Variants in AMPH observed in about 807,000 individuals in gnomAD.
AMPH encodes the protein amphiphysin (Stiff-Mann syndrome with breast cancer 128kD autoantigen).
AMPH carries 49 observed loss-of-function variants against 99.1 expected under a neutral mutation model. That is an observed-to-expected ratio of 0.49 (90% CI 0.39 to 0.63). The LOEUF is 0.63. Ranked by LOEUF, AMPH falls within the 20% of genes least tolerant of loss-of-function variation. The probability of loss-of-function intolerance (pLI) is 0.00; values close to 1 mark genes in which losing one functional copy is unlikely to be tolerated. For missense variants in AMPH, 759 were observed against 863.4 expected (o/e 0.88, Z 1.52); for synonymous variants, 314 against 317.3 (o/e 0.99, Z 0.11).
chr7:38,583,124 C>A (rs1562843810), intron 1 of AMPH, among the ~76,000 whole-genome samples: 1 of 152,148 alleles, frequency 6.6e-6, no homozygotes, highest in South Asian at 2.1e-4. Context: ...GGATAATATG[C>A]ATCAGAGCTC....
intron 1 of AMPH, among the ~76,000 whole-genome samples, chr7:38,553,879 T>A (rs1019303517): frequency 1.1e-4 from 17 of 152,150 alleles, no homozygotes; most frequent in Admixed American, 9.2e-4. Context: ...AAAAGACAGA[T>A]CATTTCCTGG....
In AMPH at chr7:38,426,205, G is replaced by A. The variant is rs1290857582; in HGVS notation, c.1215+749C>T. Among the ~76,000 whole-genome samples, 3 of 152,184 alleles carry A rather than the reference G, an allele frequency of 2.0e-5. No individual in the cohort carries two copies. The East Asian group carries it at 5.8e-4, about 29-fold the overall frequency. The stretch of plus-strand genomic sequence containing the variant: ...ATGTCTGACATTCTGAGACAAAGCA[G>A]GCATCACAGACAAGCCTGTCTGAGG... On this transcript the variant is annotated intron_variant, in intron 15 of 20. Coordinates refer to ENST00000356264, the MANE Select transcript of AMPH (RefSeq NM_001635.4).
chr7:38,391,662 A>G, intron 19 of AMPH, 86 bp downstream of exon 19: 2 of 1,416,674 alleles, frequency 1.4e-6, no homozygotes, highest in Admixed American at 2.3e-5. Flanking sequence ...TGCAAAAAGT[A>G]AAAGTAAAAA....
intron 15 of AMPH, among the ~76,000 whole-genome samples, chr7:38,424,758 C>A (rs1785723138): frequency 6.6e-6 from 1 of 151,868 alleles, no homozygotes; most frequent in African/African-American, 2.4e-5. Context: ...CAGACCATAG[C>A]CCATCATTGA....
chr7:38,515,275 T>C (rs1584191761), intron 2 of AMPH, among the ~76,000 whole-genome samples: 1 of 152,210 alleles, frequency 6.6e-6, no homozygotes, highest in Non-Finnish European at 1.5e-5. Flanking sequence ...CCAAATCTCA[T>C]GTTAAACAAT....
chr7:38,623,310 T>C (rs1315831925), intron 1 of AMPH, among the ~76,000 whole-genome samples: 1 of 152,184 alleles, frequency 6.6e-6, no homozygotes. Flanking sequence ...TAAAGGAGAA[T>C]GGTAACTTTT....
chr7:38,515,729 A>T (rs143864408), intron 2 of AMPH, among the ~76,000 whole-genome samples: 25 of 152,350 alleles, frequency 1.6e-4, no homozygotes, highest in African/African-American at 5.8e-4. Flanking sequence ...GGCTCAGAAG[A>T]AGACAGAAAG....
intron 1 of AMPH, among the ~76,000 whole-genome samples, chr7:38,606,547 C>A (rs997958312): frequency 6.7e-6 from 1 of 149,712 alleles, no homozygotes; most frequent in Non-Finnish European, 1.5e-5. Flanking sequence ...TACTGTGGCA[C>A]GTCTCAGAAC....
At chr7:38,436,193 G>T in intron 12 of AMPH, 79 bp downstream of exon 12, 1 of 1,024,182 alleles carries the variant, frequency 9.8e-7, no homozygotes. Context: ...GTCATGAAAG[G>T]TATAGGGATC....
Position 38,384,920 on chromosome 7 carries a change from T to G in AMPH, c.1986A>C (p.Ala662=), listed in dbSNP as rs1378325311. 6.2e-7 allele frequency: 1 copy of G among 1,613,372 alleles called. No homozygotes were observed. The highest frequency in any genetic ancestry group is 1.1e-5 in the South Asian group (1 of 91,030). ...ATTCCTTCACTCCCACCAGCCAGCC[T>G]GCATCCTGAAAAACAATGACAGAAC... ...VPSDSEADQD[A]GWLVGVKESD... Residue 662 remains alanine (A), a synonymous_variant, in exon 21 of 21, where the codon GCA becomes GCC. Coordinates refer to ENST00000356264, the MANE Select transcript of AMPH (RefSeq NM_001635.4).
intron 2 of AMPH, among the ~76,000 whole-genome samples, chr7:38,525,007 G>A (rs1790109417): frequency 6.6e-6 from 1 of 151,956 alleles, no homozygotes; most frequent in Non-Finnish European, 1.5e-5. Context: ...CTGCCTTCAA[G>A]TGTGTTTGTT....
chr7:38,624,834 C>T (rs1010893368), intron 1 of AMPH, among the ~76,000 whole-genome samples: 11 of 151,630 alleles, frequency 7.3e-5, no homozygotes, highest in Non-Finnish European at 1.5e-4. Context: ...TATGAACATA[C>T]AAGGACAAGA....
At chr7:38,501,217 G>T (rs1476875295) in intron 3 of AMPH, among the ~76,000 whole-genome samples, 2 of 151,918 alleles carry the variant, frequency 1.3e-5, no homozygotes, top group African/African-American at 4.8e-5. Flanking sequence ...TTTGAACAGG[G>T]TCTCACTCTT....
chr7:38,577,562 A>C (rs1792292397), intron 1 of AMPH, among the ~76,000 whole-genome samples: 2 of 152,136 alleles, frequency 1.3e-5, no homozygotes, highest in Admixed American at 1.3e-4. Context: ...TTCTCCTGAA[A>C]ACCAGCACTT....
chr7:38,557,219 A>C (rs1791397487), intron 1 of AMPH, among the ~76,000 whole-genome samples: 1 of 152,122 alleles, frequency 6.6e-6, no homozygotes, highest in Non-Finnish European at 1.5e-5. Context: ...CTTAAACTAC[A>C]CGTGATTACA....
Position 38,461,266 on chromosome 7 carries a change from CTG to C in AMPH, c.1017+15_1017+16del, listed in dbSNP as rs750412580. On this transcript the variant is annotated intron_variant, in intron 11 of 20. Transcript: ENST00000356264. ...TGGGACTTTCATGGACATACCAGCC[CTG>C]AACCAGGCACTTACCTGGGAAGGTG... 3.8e-3 allele frequency: 6,143 copies of C among 1,613,286 alleles called. 207 individuals carry two copies. In the African/African-American group the frequency reaches 0.073, roughly 19 times the overall value.
chr7:38,523,680 A>G (rs1414197367), intron 2 of AMPH, among the ~76,000 whole-genome samples: 2 of 152,172 alleles, frequency 1.3e-5, no homozygotes, highest in Non-Finnish European at 2.9e-5. Flanking sequence ...AGATAACAAC[A>G]TTTTGCGAAA....
At chr7:38,556,609 G>A (rs1439610658) in intron 1 of AMPH, among the ~76,000 whole-genome samples, 2 of 152,178 alleles carry the variant, frequency 1.3e-5, no homozygotes, top group Non-Finnish European at 2.9e-5. Context: ...TCTGGCAAAG[G>A]AGAAAGCACA....
intron 1 of AMPH, among the ~76,000 whole-genome samples, chr7:38,615,189 A>G (rs939859396): frequency 6.6e-6 from 1 of 152,160 alleles, no homozygotes; most frequent in Non-Finnish European, 1.5e-5. Flanking sequence ...TTGCCTAACC[A>G]TTCATCTCTG....
Sources: gnomAD v4.1 joint callset for allele counts (sites outside exome capture counted in the v4.1 genomes callset) on GRCh38, gnomAD v4.1.1 for gene constraint, MANE v1.5 for transcripts, NCBI Gene and HGNC (gene_info 2026-07-23, HGNC 2026-07-21) for gene names.